DOCK9: variants seen among roughly 807,000 people sequenced by gnomAD.
The protein encoded by DOCK9 is dedicator of cytokinesis protein 9.
Under a neutral mutation model 263.3 loss-of-function variants are expected in DOCK9, and 89 were observed. That is an observed-to-expected ratio of 0.34 (90% confidence interval 0.28 to 0.40). The LOEUF (loss-of-function observed/expected upper bound fraction) is 0.40, where lower values mean the gene tolerates loss of function less well. DOCK9 is among the 10% of genes least tolerant of loss of function. The pLI is 1.00. For missense variants in DOCK9, 2,140 were observed against 2,603.4 expected, an observed-to-expected ratio of 0.82 and a Z score of 3.87; for synonymous variants, 976 against 973.1, an observed-to-expected ratio of 1.00 and a Z score of -0.06.
At chr13:99,088,009 G>A (rs904127757), upstream of DOCK9, 5 of 152,280 alleles carry the variant, frequency 3.3e-5, no homozygotes, top group Non-Finnish European at 7.3e-5. Flanking sequence ...GGCCTGAAGC[G>A]TAATCTTAAA....
At chr13:98,961,116 A>G (rs1396030666) in intron 1 of DOCK9, among the ~76,000 whole-genome samples, 2 of 152,218 alleles carry the variant, frequency 1.3e-5, no homozygotes, top group Non-Finnish European at 2.9e-5. Flanking sequence ...AGTTAAATGC[A>G]GAGCTAAGGT....
In DOCK9 at chr13:98,921,078, C is replaced by T; in HGVS notation, c.593G>A (p.Arg198Lys). Reference sequence around the variant, plus strand: ...AAGTTGAATCAGGTGGAAAAATCGTCTCTTAAATGACTGAGAGAAAAATAT... The same window carrying T: ...AAGTTGAATCAGGTGGAAAAATCGTTTCTTAAATGACTGAGAGAAAAATAT... ...AISVTMRSFKRRFFHLIQLGD... is the reference protein window; with the variant it reads ...AISVTMRSFKKRFFHLIQLGD... The change falls in exon 7 of 53, where the codon AGA (arginine) becomes AAA (lysine). Residue 198 changes from arginine to lysine, a missense_variant. Physicochemically the swap from Arg to Lys is conservative, Grantham distance 26 (BLOSUM62 2). This residue lies in a region of DOCK9 where 1,521 missense variants were observed against 1,741.7 expected (regional missense o/e 0.87). Transcript: ENST00000682017. 3 of 1,599,510 alleles carry T rather than the reference C, an allele frequency of 1.9e-6. No individual in the cohort carries two copies. Among genetic ancestry groups the T allele is most frequent in the Non-Finnish European group, 2.6e-6 (3 of 1,172,728 alleles).
intron 1 of DOCK9, among the ~76,000 whole-genome samples, chr13:98,974,913 G>C (rs1226005656): frequency 3.9e-5 from 6 of 152,182 alleles, no homozygotes; most frequent in African/African-American, 1.4e-4. Flanking sequence ...ATAAGGGCAG[G>C]AGGGAACTTA....
At chr13:98,805,306 T>C (rs1211999588) in intron 48 of DOCK9, 97 bp from the exon 49 acceptor site, 60 of 1,056,458 alleles carry the variant, frequency 5.7e-5, no homozygotes, top group Admixed American at 5.0e-4. Flanking sequence ...TTTGTAAATA[T>C]AACGGAGAGA....
chr13:98,964,377 G>A (rs2058988868), intron 1 of DOCK9, among the ~76,000 whole-genome samples: 1 of 152,094 alleles, frequency 6.6e-6, no homozygotes, highest in African/African-American at 2.4e-5. Context: ...AATTATGTGG[G>A]GTGCTTCTTA....
intron 24 of DOCK9, 34 bp from the exon 25 acceptor site, chr13:98,881,661 A>T: frequency 6.4e-7 from 1 of 1,569,240 alleles, no homozygotes; most frequent in East Asian, 2.3e-5. Flanking sequence ...AGCAAAGAAT[A>T]TGTAAAAATG....
chr13:98,837,645 G>T, intron 38 of DOCK9, 36 bp from the exon 39 acceptor site: 1 of 1,487,814 alleles, frequency 6.7e-7, no homozygotes, highest in Non-Finnish European at 9.3e-7. Flanking sequence ...CTGCCCAGTG[G>T]TTCAGAAGGC....
At chr13:98,958,254 G>A (rs1322493736) in intron 1 of DOCK9, among the ~76,000 whole-genome samples, 3 of 152,348 alleles carry the variant, frequency 2.0e-5, no homozygotes, top group African/African-American at 7.2e-5. Context: ...AAGCCCTGCT[G>A]CCACCCCTTC....
At chr13:98,820,616 T>C (rs567222769) in intron 45 of DOCK9, 4 of 371,000 alleles carry the variant, frequency 1.1e-5, no homozygotes, top group African/African-American at 4.4e-5. Context: ...CTCGTATATA[T>C]GGGGAGATGT....
chr13:98,897,337 TC>T, intron 15 of DOCK9, 150 bp downstream of exon 15: 1 of 975,518 alleles, frequency 1.0e-6, no homozygotes, highest in Non-Finnish European at 1.5e-6. Flanking sequence ...ACCCCATCTT[TC>T]TTCTCAAGGG....
intron 1 of DOCK9, among the ~76,000 whole-genome samples, chr13:98,989,263 T>C (rs556759044): frequency 2.7e-4 from 41 of 151,728 alleles, no homozygotes; most frequent in African/African-American, 9.7e-4. Flanking sequence ...CTTGTAAGGG[T>C]TGCCAAACCT....
chr13:98,929,223 T>G (rs2053534361), intron 3 of DOCK9, among the ~76,000 whole-genome samples: 1 of 152,132 alleles, frequency 6.6e-6, no homozygotes, highest in South Asian at 2.1e-4. Flanking sequence ...GGGGAAAAAC[T>G]AAAGCAAACA....
At chr13:98,902,929 G>A in intron 11 of DOCK9, 43 bp downstream of exon 11, 3 of 1,369,402 alleles carry the variant, frequency 2.2e-6, no homozygotes, top group African/African-American at 2.1e-5. Context: ...TGAAACCTCT[G>A]CCTATTTTTT....
upstream of DOCK9, among the ~76,000 whole-genome samples, chr13:98,980,691 G>A (rs541894326): frequency 6.6e-6 from 1 of 152,196 alleles, no homozygotes; most frequent in East Asian, 1.9e-4. Flanking sequence ...TTAAACTCAG[G>A]GCTTTTGCTG....
rs1205245250 is a variant in DOCK9 at position 98,850,127 on chromosome 13, A to G, written c.3947-14T>C. The G allele has an allele frequency of 1.4e-6, 2 of 1,459,286 alleles. No homozygotes were observed. The highest frequency in any genetic ancestry group is 2.9e-5 in the African/African-American group (2 of 70,042). The allele number at this position is 1,459,286 out of a possible 1,614,324, so 90.4% of individuals were successfully genotyped here. A position where few individuals can be genotyped will look rare whatever the true frequency, so the allele number is the denominator to read the frequency against. Reference sequence around the variant, plus strand: ...TAAACAAAGCATCTAGAAAATAAACATTTACTTAGAATCACAATACATATG... The same window carrying G: ...TAAACAAAGCATCTAGAAAATAAACGTTTACTTAGAATCACAATACATATG... On this transcript the variant is annotated splice_polypyrimidine_tract_variant and intron_variant, in intron 35 of 52. Transcript: ENST00000682017.
At chr13:99,035,394 C>T (rs1887767972) in intron 1 of DOCK9, among the ~76,000 whole-genome samples, 1 of 152,212 alleles carries the variant, frequency 6.6e-6, no homozygotes, top group African/African-American at 2.4e-5. Flanking sequence ...CCAAAAACTA[C>T]ATTTCTCAGT....
intron 33 of DOCK9, chr13:98,856,742 G>C (rs1216771355): frequency 6.6e-6 from 1 of 152,192 alleles, no homozygotes; most frequent in African/African-American, 2.4e-5. Flanking sequence ...AAATTTATGT[G>C]TATTATTTCT....
chr13:98,883,274 G>T, intron 22 of DOCK9, 143 bp from the exon 23 acceptor site: 1 of 775,934 alleles, frequency 1.3e-6, no homozygotes. Context: ...TTGAGACAGA[G>T]TCTTGCTCTG....
chr13:98,957,192 G>A (rs985373626), intron 1 of DOCK9, among the ~76,000 whole-genome samples: 1 of 152,226 alleles, frequency 6.6e-6, no homozygotes, highest in Non-Finnish European at 1.5e-5. Flanking sequence ...GATGGAAAGA[G>A]TCTGGGTCCT....
Sources: gnomAD v4.1 joint callset for allele counts (sites outside exome capture counted in the v4.1 genomes callset) on GRCh38, gnomAD v4.1.1 for gene constraint, gnomAD v4.1.1 regional missense constraint, MANE v1.5 for transcripts, NCBI Gene and HGNC (gene_info 2026-07-23, HGNC 2026-07-21) for gene names.